Variants in DLG2 observed in about 807,000 individuals in gnomAD.
The protein encoded by DLG2 is discs large MAGUK scaffold protein 2, also known as disks large homolog 2.
A neutral mutation model predicts 132.5 loss-of-function variants in DLG2; 45 were observed. That is an observed-to-expected ratio of 0.34 (90% CI 0.27 to 0.44). The LOEUF is 0.44. DLG2 is among the 20% of genes least tolerant of loss of function. The probability of loss-of-function intolerance (pLI) is 1.00; values close to 1 mark genes in which losing one functional copy is unlikely to be tolerated. For missense variants in DLG2, 1,045 were observed against 1,196.9 expected, an observed-to-expected ratio of 0.87 and a Z score of 1.87; for synonymous variants, 424 against 419.6, an observed-to-expected ratio of 1.01 and a Z score of -0.13.
chr11:84,099,729 C>T (rs1449876892), intron 9 of DLG2, among the ~76,000 whole-genome samples: 1 of 147,942 alleles, frequency 6.8e-6, no homozygotes, highest in Non-Finnish European at 1.5e-5. Context: ...AACTGATATC[C>T]TGTGGGTGTG....
intron 19 of DLG2, among the ~76,000 whole-genome samples, chr11:83,551,858 A>G (rs964646002): frequency 2.6e-5 from 4 of 152,196 alleles, no homozygotes; most frequent in African/African-American, 9.7e-5. Context: ...CATAGTCTCT[A>G]CTATGTGCCA....
intron 3 of DLG2, among the ~76,000 whole-genome samples, chr11:85,540,409 T>C (rs1386924476): frequency 1.3e-5 from 2 of 152,088 alleles, no homozygotes; most frequent in Non-Finnish European, 2.9e-5. Context: ...GGTGGGACCA[T>C]GTGGAATTTG....
At chr11:85,503,465 G>C (rs2093851992) in intron 3 of DLG2, among the ~76,000 whole-genome samples, 1 of 152,020 alleles carries the variant, frequency 6.6e-6, no homozygotes, top group Non-Finnish European at 1.5e-5. Context: ...TGGGTGCTAT[G>C]GTTTGAATGT....
At position 83,842,270 on chromosome 11, in the gene DLG2, G is replaced by A. The variant is rs575825972; in HGVS notation, c.1566-8500C>T. On this transcript the variant is annotated intron_variant, in intron 16 of 27. Transcript: ENST00000376104. The stretch of plus-strand genomic sequence containing the variant: ...GGTGCTGTAGGCTTTCTCTCTTTAC[G>A]GCAGATGGTTTAAGAGTGTTCATGA... Among the ~76,000 whole-genome samples the A allele has an allele frequency of 2.6e-5, 4 of 152,100 alleles. No individual in the cohort carries two copies. In the South Asian group the frequency reaches 8.3e-4, roughly 32 times the overall value.
chr11:83,570,659 T>C lies in DLG2; in HGVS notation c.1941-28801A>G, dbSNP rs189984771. Among the ~76,000 whole-genome samples, 296 of 152,104 alleles carry C rather than the reference T, an allele frequency of 1.9e-3. 2 individuals are homozygous for C. The highest frequency in any genetic ancestry group is 3.4e-3 in the Non-Finnish European group (228 of 67,996). On this transcript the variant is annotated intron_variant, in intron 19 of 27. Coordinates refer to ENST00000376104, the MANE Select transcript of DLG2 (RefSeq NM_001142699.3). Reference sequence around the variant, plus strand: ...AAGAGGGAAGAGTCATCCAAAGAACTATGGATGAGAGTGGGCAGATACATG... The same window carrying C: ...AAGAGGGAAGAGTCATCCAAAGAACCATGGATGAGAGTGGGCAGATACATG...
intron 5 of DLG2, among the ~76,000 whole-genome samples, chr11:85,150,255 C>T (rs1456456742): frequency 2.0e-5 from 3 of 151,888 alleles, no homozygotes; most frequent in East Asian, 1.9e-4. Flanking sequence ...CTCCTGACCT[C>T]GTGATCCGCC....
chr11:83,957,139 C>T (rs12292970), intron 14 of DLG2, among the ~76,000 whole-genome samples: 19,934 of 152,222 alleles, frequency 0.13, 1,584 homozygotes, highest in African/African-American at 0.21. Context: ...TCTTCATGTT[C>T]TACCTCAGAG....
At chr11:83,612,831 G>C (rs2060300767) in intron 19 of DLG2, among the ~76,000 whole-genome samples, 2 of 96,096 alleles carry the variant, frequency 2.1e-5, no homozygotes, top group South Asian at 6.0e-4. Context: ...GCTTCCTGAG[G>C]CTCCATCCAG....
chr11:85,561,447 T>C (rs1325389437), intron 3 of DLG2, among the ~76,000 whole-genome samples: 2 of 147,458 alleles, frequency 1.4e-5, no homozygotes, highest in African/African-American at 4.9e-5. Flanking sequence ...CTGCACTTCC[T>C]ACCAGTATTA....
At chr11:85,534,957 T>C (rs1244901083) in intron 3 of DLG2, among the ~76,000 whole-genome samples, 1 of 152,228 alleles carries the variant, frequency 6.6e-6, no homozygotes, top group Non-Finnish European at 1.5e-5. Context: ...TTTTCACCAA[T>C]AGTGTATTAG....
At chr11:84,009,691 C>A (rs938786485) in intron 11 of DLG2, among the ~76,000 whole-genome samples, 2 of 152,040 alleles carry the variant, frequency 1.3e-5, no homozygotes, top group South Asian at 2.1e-4. Context: ...AGGTTATTCT[C>A]TGGAGAAAAT....
intron 3 of DLG2, among the ~76,000 whole-genome samples, chr11:85,588,112 C>T (rs562050837): frequency 1.3e-5 from 2 of 152,274 alleles, no homozygotes; most frequent in South Asian, 2.1e-4. Context: ...GATGCTTTCG[C>T]CTCACAGCTC....
chr11:85,465,601 C>A (rs2092762489), intron 3 of DLG2, among the ~76,000 whole-genome samples: 1 of 152,124 alleles, frequency 6.6e-6, no homozygotes, highest in Non-Finnish European at 1.5e-5. Context: ...TGATGGTTTC[C>A]AGCTTCATCC....
chr11:83,507,339 A>G (rs971805489), intron 21 of DLG2, among the ~76,000 whole-genome samples: 9 of 151,522 alleles, frequency 5.9e-5, no homozygotes, highest in Non-Finnish European at 1.0e-4. Context: ...CTGTTCCTTT[A>G]GAACCACTCC....
chr11:84,927,691 T>G (rs1073986), intron 6 of DLG2, among the ~76,000 whole-genome samples: 8 of 151,762 alleles, frequency 5.3e-5, no homozygotes, highest in African/African-American at 1.7e-4. Flanking sequence ...AACATTAAAA[T>G]TGAATTTCAT....
intron 6 of DLG2, among the ~76,000 whole-genome samples, chr11:84,754,168 T>C (rs2066549690): frequency 6.6e-6 from 1 of 152,186 alleles, no homozygotes; most frequent in African/African-American, 2.4e-5. Flanking sequence ...ATTAAGACAG[T>C]GATTCTATTT....
chr11:84,875,646 A>G lies in DLG2; in HGVS notation c.357+236015T>C, dbSNP rs1002076388. ...TTATTACCTATCATCATCAATCAAG[A>G]AGATAGCAATATTTTTCATTGTTGC... On this transcript the variant is annotated intron_variant, in intron 6 of 27. Transcript: ENST00000376104. 2.6e-5 allele frequency among the ~76,000 whole-genome samples: 4 copies of G among 152,200 alleles called. No individual in the cohort carries two copies. In the East Asian group the frequency reaches 5.8e-4, roughly 22 times the overall value.
At chr11:84,582,729 A>G (rs1188992283) in intron 6 of DLG2, among the ~76,000 whole-genome samples, 5 of 152,110 alleles carry the variant, frequency 3.3e-5, no homozygotes, top group Non-Finnish European at 7.4e-5. Context: ...GAGTGACTTT[A>G]CAATCTTCCT....
chr11:84,647,199 C>T (rs540322101), intron 6 of DLG2, among the ~76,000 whole-genome samples: 2 of 152,216 alleles, frequency 1.3e-5, no homozygotes, highest in South Asian at 4.1e-4. Flanking sequence ...TACATTTTAA[C>T]TGCACTTAGA....
Sources: gnomAD v4.1 joint callset for allele counts (sites outside exome capture counted in the v4.1 genomes callset) on GRCh38, gnomAD v4.1.1 for gene constraint, MANE v1.5 for transcripts, NCBI Gene and HGNC (gene_info 2026-07-23, HGNC 2026-07-21) for gene names.